The following UBA3 variants were observed in gnomAD, a reference collection of about 807,000 sequenced individuals.
UBA3 encodes NEDD8-activating enzyme E1 catalytic subunit.
In UBA3, 26 loss-of-function variants were observed where a neutral mutation model predicts 73.5. The observed-to-expected ratio is 0.35, with a 90% confidence interval of 0.26 to 0.49. The LOEUF is 0.49. Ranked by LOEUF, UBA3 falls within the 20% of genes least tolerant of loss-of-function variation. The probability of loss-of-function intolerance (pLI) is 0.98; values close to 1 mark genes in which losing one functional copy is unlikely to be tolerated. For synonymous variants in UBA3, 217 were observed against 191.2 expected, an observed-to-expected ratio of 1.13 and a Z score of -1.11; for missense variants, 495 against 555.6, an observed-to-expected ratio of 0.89 and a Z score of 1.10.
intron 1 of UBA3, 82 bp from the exon 2 acceptor site, chr3:69,080,235 G>C: frequency 6.6e-7 from 1 of 1,520,196 alleles, no homozygotes; most frequent in Non-Finnish European, 8.9e-7. Flanking sequence ...GGACGGGGCG[G>C]GGGGTGTGGG....
At chr3:69,063,676 T>C (rs945585707) in intron 7 of UBA3, among the ~76,000 whole-genome samples, 173 bp from the exon 8 acceptor site, 4 of 152,046 alleles carry the variant, frequency 2.6e-5, no homozygotes, top group African/African-American at 9.7e-5. Context: ...TTTTCAAAAA[T>C]TTTCTGTTCA....
intron 6 of UBA3, 61 bp from the exon 7 acceptor site, chr3:69,064,172 T>C: frequency 7.4e-7 from 1 of 1,356,516 alleles, no homozygotes; most frequent in Non-Finnish European, 1.0e-6. Context: ...AATTTGACAA[T>C]GCCATAAGGA....
At chr3:69,071,286 A>G (rs2092120323) in intron 5 of UBA3, 1 of 330,390 alleles carries the variant, frequency 3.0e-6, no homozygotes, top group African/African-American at 2.2e-5. Flanking sequence ...CAAAAATCAC[A>G]TAAACCTTTG....
In UBA3 at chr3:69,080,103, A is replaced by G; in HGVS notation, c.62+9T>C. 6.2e-7 allele frequency: 1 copy of G among 1,608,158 alleles called. No homozygotes were observed. The highest frequency in any genetic ancestry group is 8.5e-7 in the Non-Finnish European group (1 of 1,178,500). ...CCGGAGAGGGCCCCGGCCTCCCGGCAGCACTAACTTCTCAGCCAGCAGCTC... is the reference window on the plus strand; with the variant it reads ...CCGGAGAGGGCCCCGGCCTCCCGGCGGCACTAACTTCTCAGCCAGCAGCTC... On this transcript the variant is annotated intron_variant, in intron 2 of 17. Transcript: ENST00000361055.
Position 69,062,877 on chromosome 3 carries a change from C to T in UBA3, c.693+105G>A, listed in dbSNP as rs577235910. The T allele has an allele frequency of 1.9e-4, 253 of 1,355,614 alleles. 2 individuals carry two copies. The South Asian group carries it at 2.7e-3, about 15-fold the overall frequency. The allele number at this position is 1,355,614 out of a possible 1,614,324, so 84.0% of individuals were successfully genotyped here. On this transcript the variant is annotated intron_variant, in intron 9 of 17. Coordinates refer to ENST00000361055, the MANE Select transcript of UBA3 (RefSeq NM_003968.4). ...TCTTCTTAGTGTAATTTTTAAAATA[C>T]GGCCACTTCTAATTAACAATCCTAA...
intron 2 of UBA3, among the ~76,000 whole-genome samples, chr3:69,078,706 C>G (rs1014859519): frequency 2.6e-5 from 4 of 152,152 alleles, no homozygotes; most frequent in Non-Finnish European, 5.9e-5. Context: ...CTCCTGAGCT[C>G]AAGTAATCCG....
chr3:69,079,508 C>A (rs2092199408), intron 2 of UBA3, among the ~76,000 whole-genome samples: 1 of 152,136 alleles, frequency 6.6e-6, no homozygotes, highest in African/African-American at 2.4e-5. Context: ...GAAAACACTT[C>A]GATTAAATCT....
rs767974507 is a variant in UBA3 at position 69,077,813 on chromosome 3, G to A, written c.168C>T (p.Phe56=). The stretch of plus-strand genomic sequence containing the variant: ...CGTTTCTCACTTCAGTGCTCGGTTC[G>A]AAATCAGGGTGTGTGAAGGGTCCAG... ...ERSGPFTHPD[F]EPSTESLQFL... Residue 56 remains phenylalanine (F), a synonymous_variant, in exon 3 of 18, where the codon TTC becomes TTT. Coordinates refer to ENST00000361055, the MANE Select transcript of UBA3 (RefSeq NM_003968.4). 28 of 1,613,020 alleles carry A rather than the reference G, an allele frequency of 1.7e-5. No homozygotes were observed. Among genetic ancestry groups the A allele is most frequent in the Middle Eastern group, 3.3e-4 (2 of 6,074 alleles).
At position 69,062,166 on chromosome 3, in the gene UBA3, A is replaced by T; in HGVS notation, c.707T>A (p.Met236Lys). 6.2e-7 allele frequency: 1 copy of T among 1,611,580 alleles called. No individual in the cohort carries two copies. Among genetic ancestry groups the T allele is most frequent in the Non-Finnish European group, 8.5e-7 (1 of 1,178,388 alleles). ...CCTGGGCATAGATGCAATGGTGCACATGGGAAAATTAACCTAAAACCACAG... is the reference window on the plus strand; with the variant it reads ...CCTGGGCATAGATGCAATGGTGCACTTGGGAAAATTAACCTAAAACCACAG... The part of the protein sequence containing the change: ...ELYPPQVNFP[M>K]CTIASMPRLP... The change falls in exon 10 of 18, where the codon ATG becomes AAG. Residue 236 changes from methionine to lysine, a missense_variant. Met to Lys is a moderately conservative substitution (Grantham distance 95, BLOSUM62 -1). Coordinates refer to ENST00000361055, the MANE Select transcript of UBA3 (RefSeq NM_003968.4).
In UBA3 at chr3:69,063,073, C is replaced by G. The variant is rs1258319437; in HGVS notation, c.602G>C (p.Gly201Ala). 1.2e-6 allele frequency: 2 copies of G among 1,614,032 alleles called. No individual in the cohort carries two copies. Among genetic ancestry groups the G allele is most frequent in the East Asian group, 2.2e-5 (1 of 44,862 alleles). The change falls in exon 9 of 18, where the codon GGG (glycine) becomes GCG (alanine). Residue 201 changes from glycine to alanine, a missense_variant. Transcript: ENST00000361055. Reference sequence around the variant, plus strand: ...ATTTCCTTTAAAACCTTCTGTCCCCCCATCTATCAAAGGGACAATGGAGCT... The same window carrying G: ...ATTTCCTTTAAAACCTTCTGTCCCCGCATCTATCAAAGGGACAATGGAGCT... The part of the protein sequence containing the change: ...DPSSIVPLID[G>A]GTEGFKGNAR...
chr3:69,077,735 C>A, intron 3 of UBA3, 63 bp downstream of exon 3: 1 of 1,441,466 alleles, frequency 6.9e-7, no homozygotes, highest in East Asian at 2.5e-5. Context: ...AAAAAAGAAG[C>A]ATTCTATTAG....
rs576194824 is a variant in UBA3, at chr3:69,069,359, G to A, written c.348-1351C>T. 8.6e-5 allele frequency among the ~76,000 whole-genome samples: 13 copies of A among 151,774 alleles called. No individual in the cohort carries two copies. In the South Asian group the frequency reaches 1.7e-3, roughly 20 times the overall value. ...TTTTGTTTGTTTGAGACAGAGTCTC[G>A]CTCTGTCACCCACGCTGGAGTGCAG... On this transcript the variant is annotated intron_variant, in intron 5 of 17. Transcript: ENST00000361055.
intron 6 of UBA3, 70 bp from the exon 7 acceptor site, chr3:69,064,181 G>T (rs986996814): frequency 2.5e-6 from 3 of 1,195,200 alleles, no homozygotes; most frequent in Admixed American, 2.4e-5. Flanking sequence ...ATGCCATAAG[G>T]AACACACTCT....
At chr3:69,078,733 A>C (rs1242704906) in intron 2 of UBA3, among the ~76,000 whole-genome samples, 2 of 152,178 alleles carry the variant, frequency 1.3e-5, no homozygotes, top group African/African-American at 4.8e-5. Flanking sequence ...TCGGCCTCCC[A>C]AAGTGCTGGG....
intron 11 of UBA3, among the ~76,000 whole-genome samples, chr3:69,059,344 A>ATGGTCC (rs1248239067): frequency 6.6e-6 from 1 of 152,200 alleles, no homozygotes; most frequent in Non-Finnish European, 1.5e-5. Flanking sequence ...AGCAATGGCA[A>ATGGTCC]TGGTCCTGGT....
intron 6 of UBA3, among the ~76,000 whole-genome samples, chr3:69,065,954 ATTTT>A (rs201761978): frequency 1.3e-5 from 2 of 150,748 alleles, no homozygotes; most frequent in African/African-American, 4.9e-5. Flanking sequence ...TTCTAATTGA[ATTTT>A]TTTTTGTTTT....
At chr3:69,077,116 T>A (rs1173395688) in intron 3 of UBA3, among the ~76,000 whole-genome samples, 7 of 151,776 alleles carry the variant, frequency 4.6e-5, no homozygotes, top group Admixed American at 2.6e-4. Flanking sequence ...TCTTTTTTTT[T>A]TTTTTATTTT....
chr3:69,056,064 C>A lies in UBA3; in HGVS notation c.1185-1G>T. ...TGTGATGGCTGGAGATTTCATTTGC[C>A]TAAAGATTATGATGAGAGAGAAGTA... On this transcript the variant is annotated splice_acceptor_variant, in intron 15 of 17. Coordinates refer to ENST00000361055, the MANE Select transcript of UBA3 (RefSeq NM_003968.4). LOFTEE classifies it high-confidence loss of function. 1 of 1,599,598 alleles carries A rather than the reference C, an allele frequency of 6.3e-7. No homozygotes were observed. Among genetic ancestry groups the A allele is most frequent in the Non-Finnish European group, 8.5e-7 (1 of 1,175,838 alleles).
rs772346223 is a variant in UBA3, at chr3:69,055,900, T to G, written c.1254A>C (p.Val418=). 1.1e-5 allele frequency: 18 copies of G among 1,612,310 alleles called. No homozygotes were observed. The highest frequency in any genetic ancestry group is 3.4e-4 in the Middle Eastern group (2 of 5,962). The change falls in exon 17 of 18, where the codon GTA becomes GTC. Residue 418 remains valine (V), a synonymous_variant. Coordinates refer to ENST00000361055, the MANE Select transcript of UBA3 (RefSeq NM_003968.4). ...GKNRTLYLQS[V]TSIEERTRPN... is the part of the protein sequence containing the mutation. ...GCCTTGTTCGTTCTTCAATAGAGGT[T>G]ACCGACTAGAAAACAAAATTACTTT...
Sources: gnomAD v4.1 joint callset for allele counts (sites outside exome capture counted in the v4.1 genomes callset) on GRCh38, gnomAD v4.1.1 for gene constraint, MANE v1.5 for transcripts, NCBI Gene and HGNC (gene_info 2026-07-23, HGNC 2026-07-21) for gene names.